KANSL1: variants seen among roughly 807,000 people sequenced by gnomAD.
KANSL1 encodes the protein KAT8 regulatory NSL complex subunit 1.
In KANSL1, 22 loss-of-function variants were observed where a neutral mutation model predicts 103.6. The observed-to-expected ratio is 0.21, with a 90% confidence interval of 0.15 to 0.30. The LOEUF (loss-of-function observed/expected upper bound fraction) is 0.30. Ranked by LOEUF, KANSL1 falls within the 10% of genes least tolerant of loss-of-function variation. The probability of loss-of-function intolerance (pLI) is 1.00; values close to 1 mark genes in which losing one functional copy is unlikely to be tolerated. For missense variants in KANSL1, 1,337 were observed against 1,399.8 expected, an observed-to-expected ratio of 0.96 and a Z score of 0.72; for synonymous variants, 600 against 527.6, an observed-to-expected ratio of 1.14 and a Z score of -1.88.
intron 1 of KANSL1, among the ~76,000 whole-genome samples, chr17:46,205,612 C>T (rs1416345677): frequency 1.5e-5 from 2 of 131,686 alleles, no homozygotes; most frequent in Non-Finnish European, 3.1e-5. Flanking sequence ...ACCCAGGAGG[C>T]GGAGGTTGCA....
At chr17:46,046,336 C>A (rs779595287) in intron 7 of KANSL1, among the ~76,000 whole-genome samples, 1 of 151,332 alleles carries the variant, frequency 6.6e-6, no homozygotes, top group South Asian at 2.1e-4. Flanking sequence ...GAGTTTGAGA[C>A]CAGCATGGGC....
intron 2 of KANSL1, among the ~76,000 whole-genome samples, chr17:46,119,211 GAA>G (rs1342442053): frequency 6.6e-6 from 1 of 152,150 alleles, no homozygotes; most frequent in African/African-American, 2.4e-5. Context: ...TACAGATGGA[GAA>G]AAAGAGGTCA....
intron 6 of KANSL1, among the ~76,000 whole-genome samples, chr17:46,056,270 A>G (rs955691760): frequency 1.3e-5 from 2 of 152,212 alleles, no homozygotes; most frequent in African/African-American, 4.8e-5. Context: ...AAGTGCTAGA[A>G]TAACAAGTGT....
intron 1 of KANSL1, among the ~76,000 whole-genome samples, chr17:46,213,011 T>C (rs1597980627): frequency 1.3e-5 from 2 of 152,268 alleles, no homozygotes; most frequent in South Asian, 4.1e-4. Context: ...AAAACTTTTC[T>C]TTCTCTTGGC....
chr17:46,213,281 TTTG>T (rs2048220763), intron 1 of KANSL1, among the ~76,000 whole-genome samples: 1 of 151,522 alleles, frequency 6.6e-6, no homozygotes, highest in Non-Finnish European at 1.5e-5. Flanking sequence ...AAGCGTTTTA[TTTG>T]TTTTTTGTTG....
chr17:46,066,581 G>A lies in KANSL1; in HGVS notation c.1804C>T (p.Arg602Trp). Reference sequence around the variant, plus strand: ...ATGCTGTTGGGTCGAACAAGCCTCCGCTTCTTACAGCTCAGTACAGGACGT... The same window carrying A: ...ATGCTGTTGGGTCGAACAAGCCTCCACTTCTTACAGCTCAGTACAGGACGT... Reference protein sequence around the residue: ...RTRPVLSCKKRRLVRPNSIVP... With the variant: ...RTRPVLSCKKWRLVRPNSIVP... The change falls in exon 6 of 15, where the codon CGG (arginine) becomes TGG (tryptophan). Residue 602 changes from arginine (R) to tryptophan (W), a missense_variant. Transcript: ENST00000432791. The A allele has an allele frequency of 6.2e-7, 1 of 1,613,726 alleles. No individual in the cohort carries two copies. The highest frequency in any genetic ancestry group is 8.5e-7 in the Non-Finnish European group (1 of 1,179,774).
intron 2 of KANSL1, among the ~76,000 whole-genome samples, chr17:46,118,759 T>C (rs62061853): frequency 0.14 from 21,689 of 151,850 alleles, 2,128 homozygotes; most frequent in Non-Finnish European, 0.22. Flanking sequence ...CAAGGAAGAG[T>C]AGAAAAGCCG....
chr17:46,168,083 C>T (rs1233736247), intron 2 of KANSL1, among the ~76,000 whole-genome samples: 1 of 152,248 alleles, frequency 6.6e-6, no homozygotes, highest in Non-Finnish European at 1.5e-5. Context: ...CCAAAATTCA[C>T]CAGCTGGGTC....
chr17:46,202,924 T>C (rs1337967673), intron 1 of KANSL1, among the ~76,000 whole-genome samples: 2 of 152,118 alleles, frequency 1.3e-5, no homozygotes, highest in East Asian at 3.8e-4. Context: ...TGAAACTGTA[T>C]CTTCTTTGGT....
At chr17:46,061,947 C>T (rs1276114713) in intron 6 of KANSL1, among the ~76,000 whole-genome samples, 4 of 151,758 alleles carry the variant, frequency 2.6e-5, no homozygotes, top group African/African-American at 9.7e-5. Context: ...CAAATATTAG[C>T]CAGGCGTCGT....
intron 1 of KANSL1, among the ~76,000 whole-genome samples, chr17:46,213,898 A>G (rs1597983014): frequency 1.3e-5 from 2 of 152,076 alleles, no homozygotes; most frequent in South Asian, 4.1e-4. Context: ...AGCCTGGGCA[A>G]CAGAGTGAGA....
chr17:46,165,296 G>A (rs191367495), intron 2 of KANSL1, among the ~76,000 whole-genome samples: 3 of 152,154 alleles, frequency 2.0e-5, no homozygotes, highest in East Asian at 1.9e-4. Flanking sequence ...GCAGTGGTGC[G>A]ATCTCGGCTC....
intron 4 of KANSL1, among the ~76,000 whole-genome samples, chr17:46,074,174 C>G (rs1168626335): frequency 6.6e-6 from 1 of 151,964 alleles, no homozygotes; most frequent in Non-Finnish European, 1.5e-5. Flanking sequence ...CCTGGAACAT[C>G]TAGTATTAGA....
chr17:46,142,486 A>C (rs1194366509), intron 2 of KANSL1, among the ~76,000 whole-genome samples: 1 of 152,128 alleles, frequency 6.6e-6, no homozygotes, highest in Non-Finnish European at 1.5e-5. Context: ...GGGGGGCATA[A>C]GGGTGCACTC....
intron 4 of KANSL1, among the ~76,000 whole-genome samples, chr17:46,080,083 T>C (rs2078928371): frequency 6.6e-6 from 1 of 152,068 alleles, no homozygotes; most frequent in South Asian, 2.1e-4. Context: ...AACTATATTT[T>C]GACAATTCTA....
intron 2 of KANSL1, among the ~76,000 whole-genome samples, chr17:46,144,191 A>G (rs1235081411): frequency 6.6e-6 from 1 of 152,242 alleles, no homozygotes; most frequent in Non-Finnish European, 1.5e-5. Context: ...AGTCCTGCAT[A>G]GTTTAAAAAT....
At chr17:46,101,783 A>G (rs1317485405) in intron 2 of KANSL1, among the ~76,000 whole-genome samples, 1 of 146,520 alleles carries the variant, frequency 6.8e-6, no homozygotes, top group South Asian at 2.1e-4. Flanking sequence ...AAAAAAAGAA[A>G]TAACAATTTA....
chr17:46,068,937 T>C (rs146613211), intron 4 of KANSL1, among the ~76,000 whole-genome samples: 9 of 152,254 alleles, frequency 5.9e-5, no homozygotes, highest in Non-Finnish European at 1.3e-4. Context: ...CCTTACTTTA[T>C]TTTTTTGAGA....
intron 3 of KANSL1, among the ~76,000 whole-genome samples, chr17:46,087,867 A>G (rs1268187194): frequency 1.6e-5 from 2 of 127,938 alleles, no homozygotes; most frequent in Non-Finnish European, 3.8e-5. Context: ...ATTAGCTGAG[A>G]AAACTTCATA....
Sources: allele counts gnomAD v4.1 joint callset (sites outside exome capture counted in the v4.1 genomes callset), GRCh38; gene constraint gnomAD v4.1.1; transcripts MANE v1.5; gene names NCBI Gene and HGNC (gene_info 2026-07-23, HGNC 2026-07-21).